Variants in RORA observed in about 807,000 individuals in gnomAD.
The protein encoded by RORA is RAR related orphan receptor A, also known as nuclear receptor ROR-alpha.
RORA carries 7 observed loss-of-function variants against 69.5 expected under a neutral mutation model. The ratio of observed to expected loss-of-function variants is 0.10; its 90% confidence interval spans 0.06 to 0.19. The LOEUF is 0.19. RORA is among the 10% of genes least tolerant of loss of function. The probability of loss-of-function intolerance (pLI) is 1.00; values close to 1 mark genes in which losing one functional copy is unlikely to be tolerated. For missense variants in RORA, 457 were observed against 663.0 expected (o/e 0.69, Z 3.41); for synonymous variants, 261 against 240.8 (o/e 1.08, Z -0.78).
intron 1 of RORA, among the ~76,000 whole-genome samples, chr15:61,043,739 G>A (rs544275725): frequency 1.3e-5 from 2 of 152,000 alleles, no homozygotes; most frequent in African/African-American, 2.4e-5. Context: ...CAGGGGCTAG[G>A]GACTATAGAA....
At chr15:60,507,610 A>T (rs2065552609) in intron 5 of RORA, among the ~76,000 whole-genome samples, 1 of 152,252 alleles carries the variant, frequency 6.6e-6, no homozygotes, top group Non-Finnish European at 1.5e-5. Context: ...ATGACGCTGG[A>T]GAATAGGTGA....
intron 1 of RORA, among the ~76,000 whole-genome samples, chr15:60,709,488 C>A (rs1301214591): frequency 6.6e-6 from 1 of 152,124 alleles, no homozygotes; most frequent in Admixed American, 6.5e-5. Context: ...AGGAACTGGA[C>A]CGCACAGCAG....
rs3743118 is a variant in RORA at position 61,086,079 on chromosome 15, T to C, written c.166+142974A>G. ...GGTATAAAAAATAACTCCAAAGCAA[T>C]AGGAAAAGAAGTACTATCATGCAGA... On this transcript the variant is annotated intron_variant, in intron 1 of 10. Coordinates refer to ENST00000335670, the MANE Select transcript of RORA (RefSeq NM_134261.3). Among the ~76,000 whole-genome samples, 30 of 152,336 alleles carry C rather than the reference T, an allele frequency of 2.0e-4. No individual in the cohort carries two copies. In the East Asian group the frequency reaches 5.2e-3, roughly 26 times the overall value.
chr15:60,821,305 C>T (rs529887339), intron 1 of RORA, among the ~76,000 whole-genome samples: 1 of 152,204 alleles, frequency 6.6e-6, no homozygotes, highest in Non-Finnish European at 1.5e-5. Flanking sequence ...AGTGCTGACT[C>T]TTGTCCCCTT....
intron 1 of RORA, chr15:61,041,256 C>T (rs919103845): frequency 6.6e-6 from 1 of 152,216 alleles, no homozygotes; most frequent in African/African-American, 2.4e-5. Context: ...CTTAACTTAT[C>T]TCACTGGTAG....
At chr15:60,566,316 A>G (rs750129243) in intron 2 of RORA, among the ~76,000 whole-genome samples, 1 of 152,222 alleles carries the variant, frequency 6.6e-6, no homozygotes, top group Admixed American at 6.5e-5. Context: ...TTAGTAAAAA[A>G]TCATAGATGT....
At chr15:60,553,053 C>G (rs2067267247) in intron 2 of RORA, among the ~76,000 whole-genome samples, 2 of 152,138 alleles carry the variant, frequency 1.3e-5, no homozygotes, top group South Asian at 4.2e-4. Context: ...ACCTACTTCA[C>G]AGGGCTGTTA....
intron 1 of RORA, among the ~76,000 whole-genome samples, chr15:60,803,354 T>G (rs1048815774): frequency 3.3e-5 from 5 of 152,122 alleles, no homozygotes; most frequent in African/African-American, 1.2e-4. Flanking sequence ...ATGGAGGTGA[T>G]GAAAAGAGAG....
intron 1 of RORA, among the ~76,000 whole-genome samples, chr15:60,980,096 A>T (rs950273145): frequency 1.3e-5 from 2 of 152,124 alleles, no homozygotes; most frequent in African/African-American, 4.8e-5. Context: ...AAAGGATGTG[A>T]GATTTGGTTA....
intron 1 of RORA, chr15:60,841,081 T>G: frequency 6.1e-6 from 6 of 985,174 alleles, no homozygotes; most frequent in Non-Finnish European, 6.0e-6. Flanking sequence ...AAATGTTGAC[T>G]GACTCCCCGT....
At chr15:60,847,392 T>C (rs1399400389) in intron 1 of RORA, among the ~76,000 whole-genome samples, 1 of 151,878 alleles carries the variant, frequency 6.6e-6, no homozygotes, top group African/African-American at 2.4e-5. Context: ...TTCTAGAATC[T>C]CCTGTTCCAT....
At chr15:60,893,848 AG>A (rs1323031794) in intron 1 of RORA, among the ~76,000 whole-genome samples, 1 of 152,204 alleles carries the variant, frequency 6.6e-6, no homozygotes, top group African/African-American at 2.4e-5. Context: ...TTTATAAATG[AG>A]GAAACTAAAA....
chr15:60,879,452 T>C (rs1196219814), intron 1 of RORA, among the ~76,000 whole-genome samples: 1 of 152,154 alleles, frequency 6.6e-6, no homozygotes, highest in Non-Finnish European at 1.5e-5. Context: ...GCTAGAAATA[T>C]TAGCTGCTCG....
chr15:61,012,040 C>A (rs1029475239), intron 1 of RORA, among the ~76,000 whole-genome samples: 2 of 152,216 alleles, frequency 1.3e-5, no homozygotes, highest in African/African-American at 4.8e-5. Flanking sequence ...AGCTTCCGTT[C>A]ACCAAAACTG....
chr15:60,828,837 C>T (rs2073000465), intron 1 of RORA, among the ~76,000 whole-genome samples: 1 of 152,208 alleles, frequency 6.6e-6, no homozygotes, highest in Non-Finnish European at 1.5e-5. Flanking sequence ...TCTCTAGGCT[C>T]TCTCAAACCT....
intron 2 of RORA, among the ~76,000 whole-genome samples, chr15:60,536,606 C>T (rs182055106): frequency 1.5e-4 from 23 of 152,350 alleles, no homozygotes; most frequent in African/African-American, 5.0e-4. Context: ...CACATAAAAA[C>T]TAAACTAATA....
At chr15:61,053,198 CATATTTT>C (rs1409090991) in intron 1 of RORA, among the ~76,000 whole-genome samples, 1 of 152,144 alleles carries the variant, frequency 6.6e-6, no homozygotes, top group Non-Finnish European at 1.5e-5. Context: ...CTTGATTCCT[CATATTTT>C]AAGGTGTTCA....
At chr15:60,999,339 G>C (rs1566938623) in intron 1 of RORA, among the ~76,000 whole-genome samples, 1 of 152,068 alleles carries the variant, frequency 6.6e-6, no homozygotes, top group Non-Finnish European at 1.5e-5. Flanking sequence ...CAGTGACAGG[G>C]AGCTCACTCC....
intron 2 of RORA, among the ~76,000 whole-genome samples, chr15:60,575,177 A>G (rs2067989767): frequency 6.6e-6 from 1 of 152,160 alleles, no homozygotes; most frequent in African/African-American, 2.4e-5. Context: ...TAGAATGTAC[A>G]CAGACAGTAT....
Sources: allele counts gnomAD v4.1 joint callset (sites outside exome capture counted in the v4.1 genomes callset), GRCh38; gene constraint gnomAD v4.1.1; transcripts MANE v1.5; gene names NCBI Gene and HGNC (gene_info 2026-07-23, HGNC 2026-07-21).